AP3M2: variants seen among roughly 807,000 people sequenced by gnomAD.
AP3M2 encodes the protein adaptor related protein complex 3 subunit mu 2.
AP3M2 carries 28 observed loss-of-function variants against 41.6 expected under a neutral mutation model. The ratio of observed to expected loss-of-function variants is 0.67; its 90% CI spans 0.50 to 0.92. The LOEUF is 0.92. AP3M2 is among the 40% of genes least tolerant of loss of function. AP3M2 has a pLI of 0.00. For missense variants in AP3M2, 427 were observed against 521.4 expected (o/e 0.82, Z 1.76); for synonymous variants, 193 against 186.4 (o/e 1.04, Z -0.29).
Position 42,165,104 on chromosome 8 carries a change from T to G in AP3M2, c.617T>G (p.Ile206Ser), listed in dbSNP as rs1466992912. The G allele has an allele frequency of 6.2e-7, 1 of 1,614,088 alleles. No homozygotes were observed. Residue 206 changes from isoleucine to serine, a missense_variant, in exon 5 of 9, where the codon ATT (isoleucine) becomes AGT (serine). By Grantham distance (142) the Ile-to-Ser change is moderately radical. Around this residue, in one of 3 missense-constraint regions of AP3M2, gnomAD observed 237 missense variants for 284.9 expected, o/e 0.83. Coordinates refer to ENST00000396926, the MANE Select transcript of AP3M2 (RefSeq NM_006803.4). Reference protein sequence around the residue: ...STITAEIQGVIDACVKLTGMP... With the variant: ...STITAEIQGVSDACVKLTGMP... ...ATTACTGCTGAGATCCAGGGGGTGA[T>G]TGATGCCTGTGTCAAGCTGACTGGC...
In AP3M2 at chr8:42,161,679, A is replaced by T. The variant is rs536067994; in HGVS notation, c.446-602A>T. On this transcript the variant is annotated intron_variant, in intron 3 of 8. Transcript: ENST00000396926. Reference sequence around the variant, plus strand: ...GGAAGAAGGAAATAGAATTTAAATTAATGTATTTTATTATGTCAGTATAAA... The same window carrying T: ...GGAAGAAGGAAATAGAATTTAAATTTATGTATTTTATTATGTCAGTATAAA... Among the ~76,000 whole-genome samples, 5 of 152,342 alleles carry T rather than the reference A, an allele frequency of 3.3e-5. No individual in the cohort carries two copies. In the East Asian group the frequency reaches 9.6e-4, roughly 29 times the overall value.
In AP3M2 at chr8:42,167,683, A is replaced by G. The variant is rs1411324082; in HGVS notation, c.1029A>G (p.Val343=). ...CTTTGAAGATGCTGTCTTGGGATGT[A>G]GGAAAAATAAATCCACAAAAGCTAC... ...DPVTKMLSWD[V]GKINPQKLPS... is the part of the protein sequence containing the mutation. The change falls in exon 8 of 9, where the codon GTA becomes GTG. Residue 343 remains valine, a synonymous_variant. Coordinates refer to ENST00000396926, the MANE Select transcript of AP3M2 (RefSeq NM_006803.4). 3 of 1,610,890 alleles carry G rather than the reference A, an allele frequency of 1.9e-6. No individual in the cohort carries two copies. In the East Asian group the frequency reaches 6.7e-5, roughly 36 times the overall value.
Position 42,169,013 on chromosome 8 carries a change from G to C in AP3M2, c.1209G>C (p.Lys403Asn). The C allele has an allele frequency of 6.2e-7, 1 of 1,612,030 alleles. No homozygotes were observed. Among genetic ancestry groups the C allele is most frequent in the Non-Finnish European group, 8.5e-7 (1 of 1,179,164 alleles). The change falls in exon 9 of 9, where the codon AAG becomes AAC. Residue 403 changes from lysine (K) to asparagine (N), a missense_variant. This residue lies in a region of AP3M2 where 237 missense variants were observed against 284.9 expected (regional missense o/e 0.83). Coordinates refer to ENST00000396926, the MANE Select transcript of AP3M2 (RefSeq NM_006803.4). ...ATGGAGAAAAGTACAAACCCTTTAAGGGCATAAAATACATGACCAAAGCTG... is the reference window on the plus strand; with the variant it reads ...ATGGAGAAAAGTACAAACCCTTTAACGGCATAAAATACATGACCAAAGCTG... ...DMYGEKYKPF[K>N]GIKYMTKAGK...
chr8:42,168,933 C>T, intron 8 of AP3M2, 28 bp from the exon 9 acceptor site: 1 of 1,535,280 alleles, frequency 6.5e-7, no homozygotes, highest in Non-Finnish European at 8.9e-7. Flanking sequence ...ATACTCATGT[C>T]TATTTTCCCT....
chr8:42,165,037 A>G (rs751298834), intron 4 of AP3M2, 34 bp from the exon 5 acceptor site: 5 of 1,579,780 alleles, frequency 3.2e-6, no homozygotes, highest in Admixed American at 3.4e-5. Flanking sequence ...AGTATTCAGT[A>G]ATCTGTGTTC....
chr8:42,165,648 A>G, intron 6 of AP3M2, 88 bp downstream of exon 6: 1 of 1,497,504 alleles, frequency 6.7e-7, no homozygotes. Context: ...CTCAGGCTCT[A>G]GAGTTACCTG....
Position 42,168,969 on chromosome 8 carries a change from G to A in AP3M2, c.1165G>A (p.Val389Met). ...CTCTCCCTCCTTTCTAGGACTCAAG[G>A]TGAATCGTCTGGATATGTATGGAGA... ...IQQLAISGLK[V>M]NRLDMYGEKY... Residue 389 changes from valine to methionine, a missense_variant, in exon 9 of 9, where the codon GTG (valine) becomes ATG (methionine). By Grantham distance (21) the Val-to-Met change is conservative. Coordinates refer to ENST00000396926, the MANE Select transcript of AP3M2 (RefSeq NM_006803.4). 1.9e-6 allele frequency: 3 copies of A among 1,602,840 alleles called. No individual in the cohort carries two copies. Among genetic ancestry groups the A allele is most frequent in the South Asian group, 1.1e-5 (1 of 88,926 alleles).
In AP3M2 at chr8:42,154,842, C is replaced by G; in HGVS notation, c.155C>G (p.Pro52Arg). ...AENVPPVIPT[P>R]HHYLLSVYRH... is the part of the protein sequence containing the mutation. ...AATGTGCCTCCGGTTATCCCTACCC[C>G]TCACCACTATCTCTTAAGTGTTTAC... Residue 52 changes from proline (P) to arginine (R), a missense_variant, in exon 2 of 9, where the codon CCT becomes CGT. Pro to Arg is a moderately radical substitution (Grantham distance 103, BLOSUM62 -2). Around this residue, in one of 3 missense-constraint regions of AP3M2, gnomAD observed 104 missense variants for 93.8 expected, o/e 1.11. Coordinates refer to ENST00000396926, the MANE Select transcript of AP3M2 (RefSeq NM_006803.4). 1 of 1,614,156 alleles carries G rather than the reference C, an allele frequency of 6.2e-7. No homozygotes were observed.
Position 42,167,557 on chromosome 8 carries a change from A to G in AP3M2, c.1012-109A>G, listed in dbSNP as rs1804674383. On this transcript the variant is annotated intron_variant, in intron 7 of 8. Transcript: ENST00000396926. ...GGAAAGATACCCAGAGGCAGCTTAT[A>G]ATGTTGTGGACAGGTGCCCTGAGTT... 4.9e-6 allele frequency: 7 copies of G among 1,422,668 alleles called. No individual in the cohort carries two copies. The South Asian group carries it at 9.5e-5, about 19-fold the overall frequency. The allele number at this position is 1,422,668 out of a possible 1,614,324, so 88.1% of individuals were successfully genotyped here. A position where few individuals can be genotyped will look rare whatever the true frequency, so the allele number is the denominator to read the frequency against.
Position 42,169,147 on chromosome 8 carries a change from T to A in AP3M2, c.*86T>A. 8.6e-7 allele frequency: 1 copy of A among 1,163,634 alleles called. No individual in the cohort carries two copies. The highest frequency in any genetic ancestry group is 1.2e-6 in the Non-Finnish European group (1 of 821,988). 72.1% of individuals were successfully genotyped at this position (1,163,634 alleles called of 1,614,324 possible). ...TAAAAAAAAATATCAGCCTGTCTCC[T>A]AGGTCAGTCCCCTCCTGGACCCACC... On this transcript the variant is annotated 3_prime_UTR_variant, in exon 9 of 9. Coordinates refer to ENST00000396926, the MANE Select transcript of AP3M2 (RefSeq NM_006803.4).
At chr8:42,155,974 T>G in intron 2 of AP3M2, 1 of 456,252 alleles carries the variant, frequency 2.2e-6, no homozygotes, top group South Asian at 1.5e-5. Flanking sequence ...TGCAATACTC[T>G]GTAGTACTAC....
chr8:42,171,098 C>T lies in AP3M2; in HGVS notation c.*2037C>T, dbSNP rs1187961094. 6.6e-6 allele frequency: 1 copy of T among 152,272 alleles called. No individual in the cohort carries two copies. Among genetic ancestry groups the T allele is most frequent in the Non-Finnish European group, 1.5e-5 (1 of 68,072 alleles). The allele number at this position is 152,272 out of a possible 1,614,324, so 9.4% of individuals were successfully genotyped here. A position where few individuals can be genotyped will look rare whatever the true frequency, so the allele number is the denominator to read the frequency against. The stretch of plus-strand genomic sequence containing the variant: ...CACCATAAGCAGTGCAGGGTGTCTC[C>T]ATCGAGCTGTTTGGTTCCATGTGTG... On this transcript the variant is annotated 3_prime_UTR_variant, in exon 9 of 9. Transcript: ENST00000396926.
At chr8:42,166,893 C>T in intron 6 of AP3M2, 2 of 430,162 alleles carry the variant, frequency 4.6e-6, no homozygotes, top group Non-Finnish European at 8.5e-6. Flanking sequence ...CATTTTTGTA[C>T]ATTATGCCTT....
At chr8:42,156,057 T>C (rs1485503274) in intron 2 of AP3M2, 2 of 453,778 alleles carry the variant, frequency 4.4e-6, no homozygotes, top group East Asian at 7.0e-5. Flanking sequence ...TAAGTCCCAG[T>C]ATGTGGAAGA....
rs933104626 is a variant in AP3M2, at chr8:42,169,625, G to A, written c.*564G>A. ...GGATGGGAAGGAAAGAGTTGAGTTG[G>A]TTTCTTTCTGATTCCTCTACTCATG... On this transcript the variant is annotated 3_prime_UTR_variant, in exon 9 of 9. Coordinates refer to ENST00000396926, the MANE Select transcript of AP3M2 (RefSeq NM_006803.4). The A allele has an allele frequency of 6.6e-6, 1 of 152,144 alleles. No individual in the cohort carries two copies. Among genetic ancestry groups the A allele is most frequent in the African/African-American group, 2.4e-5 (1 of 41,432 alleles). The allele number at this position is 152,144 out of a possible 1,614,324, so 9.4% of individuals were successfully genotyped here. A position where few individuals can be genotyped will look rare whatever the true frequency, so the allele number is the denominator to read the frequency against.
In AP3M2 at chr8:42,154,783, T is replaced by C. The variant is rs1039117920; in HGVS notation, c.96T>C (p.Phe32=). Residue 32 remains phenylalanine, a synonymous_variant, in exon 2 of 9, where the codon TTT becomes TTC. Transcript: ENST00000396926. ...TCAGCCGTTCTGTTTGTGATTACTT[T>C]TTTGAGGCGCAAGAGAGAGCTACTG... is the stretch of plus-strand genomic sequence containing the variant. ...SVVSRSVCDY[F]FEAQERATEA... is the part of the protein sequence containing the mutation. The C allele has an allele frequency of 5.0e-6, 8 of 1,614,184 alleles. No homozygotes were observed. The highest frequency in any genetic ancestry group is 6.8e-6 in the Non-Finnish European group (8 of 1,180,040).
At position 42,154,795 on chromosome 8, in the gene AP3M2, A is replaced by C; in HGVS notation, c.108A>C (p.Gln36His). 6.2e-7 allele frequency: 1 copy of C among 1,614,156 alleles called. No homozygotes were observed. The highest frequency in any genetic ancestry group is 8.5e-7 in the Non-Finnish European group (1 of 1,180,030). The change falls in exon 2 of 9, where the codon CAA becomes CAC. Residue 36 changes from glutamine to histidine, a missense_variant. Transcript: ENST00000396926. The part of the protein sequence containing the change: ...RSVCDYFFEA[Q>H]ERATEAENVP... ...TTTGTGATTACTTTTTTGAGGCGCA[A>C]GAGAGAGCTACTGAGGCAGAAAATG...
intron 3 of AP3M2, 122 bp from the exon 4 acceptor site, chr8:42,162,159 T>G: frequency 1.0e-6 from 1 of 998,862 alleles, no homozygotes; most frequent in South Asian, 2.2e-5. Flanking sequence ...AACCTCATCT[T>G]CTGTTTGAAA....
chr8:42,160,165 C>T (rs755081183), intron 3 of AP3M2, among the ~76,000 whole-genome samples: 4 of 152,062 alleles, frequency 2.6e-5, no homozygotes, highest in East Asian at 1.9e-4. Flanking sequence ...ATTTGGGATG[C>T]GCAACTGGTA....
Sources: gnomAD v4.1 joint callset for allele counts (sites outside exome capture counted in the v4.1 genomes callset) on GRCh38, gnomAD v4.1.1 for gene constraint, gnomAD v4.1.1 regional missense constraint, MANE v1.5 for transcripts, NCBI Gene and HGNC (gene_info 2026-07-23, HGNC 2026-07-21) for gene names.